The following EYS variants were observed in gnomAD, a reference collection of about 807,000 sequenced individuals.
The protein encoded by EYS is protein eyes shut homolog.
In EYS, 250 loss-of-function variants were observed where a neutral mutation model predicts 282.1. That is an observed-to-expected ratio of 0.89 (90% confidence interval 0.80 to 0.98). The LOEUF (loss-of-function observed/expected upper bound fraction) is 0.98, where lower values mean the gene tolerates loss of function less well. EYS is among the 50% of genes least tolerant of loss of function. The pLI, the probability that EYS is intolerant of heterozygous loss-of-function variation, is 0.00. For synonymous variants in EYS, 1,355 were observed against 1,282.9 expected (o/e 1.06, Z -1.20); for missense variants, 4,016 against 3,709.0 (o/e 1.08, Z -2.15).
intron 8 of EYS, among the ~76,000 whole-genome samples, chr6:65,357,334 A>T (rs1310890080): frequency 6.6e-6 from 1 of 151,942 alleles, no homozygotes; most frequent in African/African-American, 2.4e-5. Flanking sequence ...TTGCTATATG[A>T]AATACATTCC....
intron 22 of EYS, among the ~76,000 whole-genome samples, chr6:64,641,727 C>T (rs1339375679): frequency 6.6e-6 from 1 of 152,146 alleles, no homozygotes; most frequent in South Asian, 2.1e-4. Context: ...GGCTGCACAG[C>T]AGGAGGTGAG....
At chr6:64,393,398 A>C (rs997013695) in intron 28 of EYS, among the ~76,000 whole-genome samples, 1 of 152,120 alleles carries the variant, frequency 6.6e-6, no homozygotes, top group Non-Finnish European at 1.5e-5. Flanking sequence ...TACTGGCAAA[A>C]CGAATCCAGC....
intron 22 of EYS, among the ~76,000 whole-genome samples, chr6:64,759,870 C>T (rs1773101655): frequency 6.6e-6 from 1 of 152,072 alleles, no homozygotes; most frequent in Admixed American, 6.6e-5. Context: ...CTTATTACTA[C>T]CATGGATAAC....
chr6:63,867,834 A>G (rs1772705467), intron 35 of EYS, among the ~76,000 whole-genome samples: 1 of 152,144 alleles, frequency 6.6e-6, no homozygotes, highest in South Asian at 2.1e-4. Flanking sequence ...TAGAATGTCT[A>G]AAGTAAGGCT....
At chr6:64,580,634 C>A (rs1008472069) in intron 26 of EYS, among the ~76,000 whole-genome samples, 1 of 152,002 alleles carries the variant, frequency 6.6e-6, no homozygotes, top group Non-Finnish European at 1.5e-5. Flanking sequence ...AACCTTTTCT[C>A]ATAAAAAAGA....
intron 2 of EYS, among the ~76,000 whole-genome samples, chr6:65,559,408 G>GA (rs569921540): frequency 3.3e-5 from 5 of 151,758 alleles, no homozygotes; most frequent in Non-Finnish European, 4.4e-5. Flanking sequence ...AGAAAGAAAA[G>GA]AAAAAAAATT....
chr6:64,686,989 G>A (rs577864186), intron 22 of EYS, among the ~76,000 whole-genome samples: 1 of 145,326 alleles, frequency 6.9e-6, no homozygotes, highest in East Asian at 2.0e-4. Context: ...TAGAAAAACT[G>A]GATAAAATAA....
At chr6:63,819,926 CA>C (rs1282016135) in intron 36 of EYS, among the ~76,000 whole-genome samples, 1 of 152,148 alleles carries the variant, frequency 6.6e-6, no homozygotes, top group Non-Finnish European at 1.5e-5. Flanking sequence ...GGGATTATAT[CA>C]GGGGTCCGGG....
chr6:65,703,300 T>C (rs1475914843), intron 1 of EYS, among the ~76,000 whole-genome samples: 1 of 152,150 alleles, frequency 6.6e-6, no homozygotes. Flanking sequence ...GATAGATACA[T>C]AAACCATAAA....
intron 14 of EYS, among the ~76,000 whole-genome samples, chr6:64,968,931 T>C (rs1000805216): frequency 6.6e-6 from 1 of 152,208 alleles, no homozygotes; most frequent in Non-Finnish European, 1.5e-5. Context: ...CTCTTTTCCC[T>C]CAATTCAAGA....
intron 2 of EYS, among the ~76,000 whole-genome samples, chr6:65,605,567 C>T (rs1765757929): frequency 6.6e-6 from 1 of 151,718 alleles, no homozygotes; most frequent in African/African-American, 2.4e-5. Flanking sequence ...TTTCATAAAA[C>T]ATTGAAAGAC....
intron 24 of EYS, among the ~76,000 whole-genome samples, chr6:64,609,056 T>C (rs1336985562): frequency 6.6e-6 from 1 of 152,038 alleles, no homozygotes; most frequent in African/African-American, 2.4e-5. Flanking sequence ...AGACTTTGGG[T>C]GATAATGATG....
chr6:65,077,512 T>A (rs16880341), intron 12 of EYS, among the ~76,000 whole-genome samples: 6,938 of 152,200 alleles, frequency 0.046, 227 homozygotes, highest in South Asian at 0.068. Context: ...CGCAAATAAA[T>A]GCATTAAGTT....
intron 19 of EYS, among the ~76,000 whole-genome samples, chr6:64,861,230 A>G (rs186518520): frequency 1.1e-3 from 168 of 152,288 alleles, no homozygotes; most frequent in African/African-American, 3.8e-3. Context: ...TTGGTGCCCA[A>G]AGTCCAGAGG....
At chr6:64,328,282 A>G (rs771342627) in intron 29 of EYS, among the ~76,000 whole-genome samples, 2 of 152,200 alleles carry the variant, frequency 1.3e-5, no homozygotes, top group African/African-American at 2.4e-5. Context: ...CTGGAGAACA[A>G]TGCACCTGCA....
chr6:64,904,973 G>A (rs1767779476), intron 16 of EYS, among the ~76,000 whole-genome samples: 1 of 152,180 alleles, frequency 6.6e-6, no homozygotes, highest in African/African-American at 2.4e-5. Context: ...ATAAAGCAAA[G>A]CTTTGCTGAG....
At chr6:65,274,029 G>A (rs887238253) in intron 12 of EYS, among the ~76,000 whole-genome samples, 1 of 152,162 alleles carries the variant, frequency 6.6e-6, no homozygotes, top group Non-Finnish European at 1.5e-5. Context: ...GAGGTCAGGT[G>A]AGCAGTGGAG....
At chr6:65,449,634 T>C (rs2150400695) in intron 5 of EYS, among the ~76,000 whole-genome samples, 1 of 152,198 alleles carries the variant, frequency 6.6e-6, no homozygotes. Flanking sequence ...AATCAAACAA[T>C]TCATTCAAGT....
chr6:64,382,683 C>G (rs1380677051), intron 29 of EYS, among the ~76,000 whole-genome samples: 2 of 152,258 alleles, frequency 1.3e-5, no homozygotes, highest in African/African-American at 4.8e-5. Context: ...AAACTAGAAG[C>G]ACACACAAAT....
Sources: allele counts gnomAD v4.1 joint callset (sites outside exome capture counted in the v4.1 genomes callset), GRCh38; gene constraint gnomAD v4.1.1; transcripts MANE v1.5; gene names NCBI Gene and HGNC (gene_info 2026-07-23, HGNC 2026-07-21).